BRD10: variants seen among roughly 807,000 people sequenced by gnomAD.
The protein encoded by BRD10 is uncharacterized bromodomain-containing protein 10.
At chr9:5,920,388 G>A in the BRD10 span, 89 of 1,613,946 alleles carry the variant, frequency 5.5e-5, no homozygotes, top group South Asian at 8.9e-4. Flanking sequence ...TGAATACAAG[G>A]TTCACTGAAC....
the BRD10 span, chr9:5,919,100 T>G: frequency 2.0e-5 from 3 of 152,650 alleles, no homozygotes. Flanking sequence ...ACTAAAATAC[T>G]TAAAAAACTA....
At chr9:5,919,767 C>G in the BRD10 span, 6 of 1,613,616 alleles carry the variant, frequency 3.7e-6, no homozygotes, top group East Asian at 6.7e-5. Flanking sequence ...CTGGCAGATA[C>G]AACAATCTGA....
the BRD10 span, among the ~76,000 whole-genome samples, chr9:5,901,668 G>A: frequency 1.0e-3 from 153 of 152,154 alleles, no homozygotes; most frequent in African/African-American, 3.5e-3. Context: ...ACAGGTGTAA[G>A]CCACCACGCC....
At chr9:5,962,111 C>T in the BRD10 span, among the ~76,000 whole-genome samples, 21 of 152,064 alleles carry the variant, frequency 1.4e-4, no homozygotes, top group Non-Finnish European at 1.8e-4. Flanking sequence ...CTCTTGTGGG[C>T]ATTTAGTGCT....
chr9:5,887,823 C>G, the BRD10 span, among the ~76,000 whole-genome samples: 1 of 152,210 alleles, frequency 6.6e-6, no homozygotes. Context: ...TTCTGAAATG[C>G]TCTCTCTCCA....
the BRD10 span, chr9:5,919,770 C>A: frequency 3.1e-6 from 5 of 1,613,628 alleles, no homozygotes; most frequent in Admixed American, 8.3e-5. Flanking sequence ...GCAGATACAA[C>A]AATCTGAGAG....
At chr9:5,895,775 C>A in the BRD10 span, among the ~76,000 whole-genome samples, 1 of 152,234 alleles carries the variant, frequency 6.6e-6, no homozygotes, top group East Asian at 1.9e-4. Context: ...ATTTGGAAGA[C>A]ACTCTGAGGC....
the BRD10 span, among the ~76,000 whole-genome samples, chr9:5,888,522 C>T: frequency 2.0e-5 from 3 of 152,136 alleles, no homozygotes; most frequent in Non-Finnish European, 4.4e-5. Flanking sequence ...TATTCGAGTT[C>T]AAAATGAGTT....
chr9:5,967,875 T>A, the BRD10 span: 1 of 592,052 alleles, frequency 1.7e-6, no homozygotes, highest in Non-Finnish European at 2.9e-6. Context: ...ACACATTGAA[T>A]ATAAAATAAA....
At chr9:5,889,646 G>C in the BRD10 span, among the ~76,000 whole-genome samples, 1 of 152,066 alleles carries the variant, frequency 6.6e-6, no homozygotes, top group Non-Finnish European at 1.5e-5. Context: ...TTTGCCAGGT[G>C]TGGTGGCGTG....
the BRD10 span, among the ~76,000 whole-genome samples, chr9:5,884,320 G>A: frequency 6.6e-6 from 1 of 152,198 alleles, no homozygotes; most frequent in Admixed American, 6.5e-5. Flanking sequence ...ACTCAACACA[G>A]CCTACAAGAT....
At chr9:5,992,170 T>A in the BRD10 span, among the ~76,000 whole-genome samples, 46 of 152,246 alleles carry the variant, frequency 3.0e-4, no homozygotes, top group African/African-American at 1.0e-3. Flanking sequence ...ATATAATTAC[T>A]ATTTTTTTGG....
chr9:5,950,079 C>T, the BRD10 span, among the ~76,000 whole-genome samples: 22 of 152,076 alleles, frequency 1.4e-4, no homozygotes, highest in African/African-American at 4.6e-4. Context: ...CAGGGATAAA[C>T]GTAAGTTTTC....
At chr9:5,931,365 A>G in the BRD10 span, among the ~76,000 whole-genome samples, 6 of 152,350 alleles carry the variant, frequency 3.9e-5, no homozygotes, top group South Asian at 2.1e-4. Flanking sequence ...TTGAATTACA[A>G]TATTAATTTT....
the BRD10 span, chr9:5,908,831 A>G: frequency 1.1e-6 from 1 of 877,496 alleles, no homozygotes; most frequent in Non-Finnish European, 1.8e-6. Flanking sequence ...ATCTCTAATA[A>G]TAAGTCAGTG....
At chr9:5,921,304 T>A in the BRD10 span, 2 of 1,613,926 alleles carry the variant, frequency 1.2e-6, no homozygotes, top group Non-Finnish European at 1.7e-6. Flanking sequence ...ACACAGCTGG[T>A]GATGAATTTA....
chr9:5,915,446 T>C, the BRD10 span, among the ~76,000 whole-genome samples: 2 of 152,248 alleles, frequency 1.3e-5, no homozygotes, highest in Non-Finnish European at 1.5e-5. Flanking sequence ...CTACCTTTGC[T>C]TCAAAAGCTT....
the BRD10 span, among the ~76,000 whole-genome samples, chr9:5,931,528 C>T: frequency 6.6e-6 from 1 of 152,264 alleles, no homozygotes; most frequent in East Asian, 1.9e-4. Context: ...GAACAGACTT[C>T]TTTCATACAA....
At chr9:5,964,880 G>A in the BRD10 span, among the ~76,000 whole-genome samples, 2 of 118,624 alleles carry the variant, frequency 1.7e-5, no homozygotes, top group South Asian at 5.9e-4. Context: ...CACAGGAAGG[G>A]GAATATCACA....
Sources: gnomAD v4.1 joint callset for allele counts (sites outside exome capture counted in the v4.1 genomes callset) on GRCh38, gnomAD v4.1.1 for gene constraint, MANE v1.5 for transcripts, NCBI Gene and HGNC (gene_info 2026-07-23, HGNC 2026-07-21) for gene names.